The following DAB1 variants were observed in gnomAD, a reference collection of about 807,000 sequenced individuals.
DAB1 encodes the protein disabled homolog 1.
Under a neutral mutation model 64.6 loss-of-function variants are expected in DAB1, and 15 were observed. The ratio of observed to expected loss-of-function variants is 0.23; its 90% CI spans 0.16 to 0.36. The LOEUF is 0.36. DAB1 is among the 10% of genes least tolerant of loss of function. The pLI is 1.00. For synonymous variants in DAB1, 235 were observed against 251.9 expected (o/e 0.93, Z 0.64); for missense variants, 596 against 706.7 (o/e 0.84, Z 1.78).
intron 2 of DAB1, among the ~76,000 whole-genome samples, chr1:57,181,188 T>C (rs1377256115): frequency 1.3e-5 from 2 of 152,144 alleles, no homozygotes; most frequent in East Asian, 1.9e-4. Context: ...AGAAAACAAA[T>C]AGCAGCTGTA....
chr1:57,144,462 G>A (rs377351901), intron 3 of DAB1, among the ~76,000 whole-genome samples: 12 of 152,012 alleles, frequency 7.9e-5, no homozygotes, highest in African/African-American at 2.2e-4. Context: ...TTGGGAGGCC[G>A]AGGCGGACGG....
At chr1:57,855,319 C>T (rs1653705245) in intron 1 of DAB1, among the ~76,000 whole-genome samples, 1 of 152,082 alleles carries the variant, frequency 6.6e-6, no homozygotes, top group Non-Finnish European at 1.5e-5. Context: ...TGTTGAGTGC[C>T]CACCCTAGGC....
intron 5 of DAB1, among the ~76,000 whole-genome samples, chr1:58,001,706 T>C (rs1460898392): frequency 1.3e-5 from 2 of 152,184 alleles, no homozygotes; most frequent in Non-Finnish European, 2.9e-5. Flanking sequence ...GGGAGTACTA[T>C]GGATCCAGTT....
At chr1:57,560,499 C>T (rs1260576199) in intron 7 of DAB1, among the ~76,000 whole-genome samples, 1 of 152,144 alleles carries the variant, frequency 6.6e-6, no homozygotes, top group African/African-American at 2.4e-5. Context: ...TAAGTTGCTG[C>T]CATTTGGCCC....
At chr1:57,485,282 T>A (rs567853888) in intron 7 of DAB1, among the ~76,000 whole-genome samples, 1 of 152,176 alleles carries the variant, frequency 6.6e-6, no homozygotes. Flanking sequence ...GGGAGAGTAG[T>A]AGTTAAGAGA....
At chr1:57,350,510 C>A (rs904928245) in intron 1 of DAB1, among the ~76,000 whole-genome samples, 1 of 152,082 alleles carries the variant, frequency 6.6e-6, no homozygotes, top group African/African-American at 2.4e-5. Context: ...TCCCACTTGG[C>A]CCCGACTGCT....
chr1:57,259,284 C>T lies in DAB1; in HGVS notation c.67+31680G>A, dbSNP rs146681414. 3.4e-3 allele frequency among the ~76,000 whole-genome samples: 525 copies of T among 152,236 alleles called. 1 individual carries two copies. The highest frequency in any genetic ancestry group is 6.8e-3 in the Middle Eastern group (2 of 294). ...ACAGCCCTTGTCCTCAGAAGACTCA[C>T]AGTTGAGACCAGGAAGACCAGTGAA... On this transcript the variant is annotated intron_variant, in intron 2 of 14. Transcript: ENST00000371236.
chr1:57,991,578 T>C (rs1388990988), intron 5 of DAB1, among the ~76,000 whole-genome samples: 1 of 152,026 alleles, frequency 6.6e-6, no homozygotes, highest in Non-Finnish European at 1.5e-5. Flanking sequence ...CCGGGCATGA[T>C]GGTTGATGCC....
At chr1:58,029,917 A>G (rs1252953323) in intron 5 of DAB1, among the ~76,000 whole-genome samples, 1 of 152,190 alleles carries the variant, frequency 6.6e-6, no homozygotes, top group Non-Finnish European at 1.5e-5. Flanking sequence ...TACAAAAAGT[A>G]TGAATCGTCC....
Position 58,483,473 on chromosome 1 carries a change from C to A in DAB1, n.257+22587G>T, listed in dbSNP as rs557752495. ...TAGCTCTGATTAGGCTCTGAGTTAC[C>A]AAGGTAAGCTGGAGAGTTGAAAAAA... On this transcript the variant is annotated intron_variant and non_coding_transcript_variant, in intron 3 of 20. Transcript: ENST00000485760. Among the ~76,000 whole-genome samples, 5 of 152,222 alleles carry A rather than the reference C, an allele frequency of 3.3e-5. No individual in the cohort carries two copies. The East Asian group carries it at 9.6e-4, about 29-fold the overall frequency.
intron 1 of DAB1, among the ~76,000 whole-genome samples, chr1:57,413,506 C>T (rs769339895): frequency 7.9e-5 from 12 of 151,990 alleles, no homozygotes; most frequent in Non-Finnish European, 1.3e-4. Context: ...CTTTGGGAGG[C>T]GGAAGCGGGT....
chr1:57,520,194 C>T (rs1433504393), intron 7 of DAB1, among the ~76,000 whole-genome samples: 1 of 152,202 alleles, frequency 6.6e-6, no homozygotes, highest in African/African-American at 2.4e-5. Context: ...GTGACTGGAG[C>T]ATAACTGCTT....
intron 1 of DAB1, among the ~76,000 whole-genome samples, chr1:58,532,733 C>T (rs914984935): frequency 1.3e-5 from 2 of 151,822 alleles, no homozygotes; most frequent in African/African-American, 2.4e-5. Context: ...TCTATGTTGC[C>T]GAGGCCAGTC....
intron 4 of DAB1, among the ~76,000 whole-genome samples, chr1:58,198,355 T>G (rs1657805547): frequency 6.6e-6 from 1 of 152,202 alleles, no homozygotes; most frequent in South Asian, 2.1e-4. Flanking sequence ...CACGTAATAT[T>G]TATTCCTTTT....
intron 6 of DAB1, among the ~76,000 whole-genome samples, chr1:57,766,589 C>G (rs1479232750): frequency 6.6e-6 from 1 of 152,116 alleles, no homozygotes; most frequent in Non-Finnish European, 1.5e-5. Flanking sequence ...TTTGCTGGAG[C>G]TGCTTTTACT....
intron 5 of DAB1, among the ~76,000 whole-genome samples, chr1:57,962,591 G>A (rs770561229): frequency 6.6e-6 from 1 of 152,204 alleles, no homozygotes; most frequent in Non-Finnish European, 1.5e-5. Flanking sequence ...CCAGGAAGAG[G>A]CCAGGTGTGG....
intron 7 of DAB1, among the ~76,000 whole-genome samples, chr1:57,486,836 C>T (rs986002311): frequency 1.3e-5 from 2 of 149,796 alleles, no homozygotes; most frequent in African/African-American, 4.9e-5. Context: ...TAGTATTGAA[C>T]AAAAATATAA....
intron 5 of DAB1, among the ~76,000 whole-genome samples, chr1:58,067,278 C>T (rs1460615390): frequency 1.3e-5 from 2 of 152,194 alleles, no homozygotes; most frequent in Non-Finnish European, 2.9e-5. Context: ...CACGGCCTAG[C>T]CCAGTGCCTG....
intron 11 of DAB1, among the ~76,000 whole-genome samples, chr1:57,017,669 A>G (rs1646478207): frequency 6.6e-6 from 1 of 152,216 alleles, no homozygotes; most frequent in Non-Finnish European, 1.5e-5. Flanking sequence ...GGAATAAAAC[A>G]ATGATGTCAA....
Sources: allele counts gnomAD v4.1 joint callset (sites outside exome capture counted in the v4.1 genomes callset), GRCh38; gene constraint gnomAD v4.1.1; transcripts MANE v1.5; gene names NCBI Gene and HGNC (gene_info 2026-07-23, HGNC 2026-07-21).